NAV2: variants seen among roughly 807,000 people sequenced by gnomAD.
NAV2 encodes the protein helicase, APC down-regulated 1.
A neutral mutation model predicts 223.2 loss-of-function variants in NAV2; 54 were observed. The observed-to-expected ratio is 0.24, with a 90% CI of 0.19 to 0.30. NAV2 has a LOEUF of 0.30. NAV2 is among the 10% of genes least tolerant of loss of function. The pLI, the probability that NAV2 is intolerant of heterozygous loss-of-function variation, is 1.00. For missense variants in NAV2, 2,806 were observed against 3,147.5 expected (o/e 0.89, Z 2.60); for synonymous variants, 1,279 against 1,239.3 (o/e 1.03, Z -0.67).
At chr11:20,043,381 G>A (rs758358098) in intron 12 of NAV2, among the ~76,000 whole-genome samples, 1 of 152,080 alleles carries the variant, frequency 6.6e-6, no homozygotes. Context: ...CCTTCCCCTC[G>A]CTAGGGCTCT....
intron 1 of NAV2, among the ~76,000 whole-genome samples, chr11:19,362,871 ATTTG>A (rs1327054088): frequency 6.6e-6 from 1 of 152,202 alleles, no homozygotes; most frequent in African/African-American, 2.4e-5. Context: ...ATTAGTTGTT[ATTTG>A]TTTATCAATT....
chr11:19,934,314 T>C (rs1384878929), intron 7 of NAV2, 37 bp downstream of exon 7: 2 of 1,519,486 alleles, frequency 1.3e-6, no homozygotes, highest in Non-Finnish European at 1.8e-6. Flanking sequence ...CCTGGGACAT[T>C]GGGTAAAAGT....
At position 19,713,373 on chromosome 11, in the gene NAV2, A is replaced by C. The variant is rs1162595611; in HGVS notation, c.-323A>C. On this transcript the variant is annotated 5_prime_UTR_variant, in exon 1 of 38. Transcript: ENST00000349880. This position sits in a 1 kb window ranked among gnomAD's most constrained non-coding sequence, Gnocchi z 7.2. ...TCCAAGCCTCTGTTTCCCAGGAGGA[A>C]ATTTGCAAGAGGCGGCAGCCCCTGA... is the stretch of plus-strand genomic sequence containing the variant. 1.7e-6 allele frequency: 2 copies of C among 1,166,816 alleles called. No homozygotes were observed. The highest frequency in any genetic ancestry group is 2.1e-6 in the Non-Finnish European group (2 of 947,746). 72.3% of individuals were successfully genotyped at this position (1,166,816 alleles called of 1,614,324 possible). A position where few individuals can be genotyped will look rare whatever the true frequency, so the allele number is the denominator to read the frequency against.
intron 14 of NAV2, among the ~76,000 whole-genome samples, chr11:20,045,980 T>C (rs1308933723): frequency 6.6e-6 from 1 of 152,224 alleles, no homozygotes; most frequent in Non-Finnish European, 1.5e-5. Flanking sequence ...GATACTTTTT[T>C]GTCAGGGTTT....
chr11:19,417,032 G>A (rs903060056), intron 1 of NAV2, among the ~76,000 whole-genome samples: 15 of 152,090 alleles, frequency 9.9e-5, no homozygotes, highest in African/African-American at 1.9e-4. Flanking sequence ...GGATGTAGGC[G>A]TGGGCAAAGA....
intron 1 of NAV2, among the ~76,000 whole-genome samples, chr11:19,461,788 G>T (rs1852171134): frequency 6.6e-6 from 1 of 152,202 alleles, no homozygotes; most frequent in Middle Eastern, 3.2e-3. Context: ...GAATAAAGAA[G>T]AATGTTTTAT....
At chr11:19,789,743 A>G (rs1482120538) in intron 1 of NAV2, among the ~76,000 whole-genome samples, 1 of 152,230 alleles carries the variant, frequency 6.6e-6, no homozygotes, top group Non-Finnish European at 1.5e-5. Context: ...TAATTGTGCT[A>G]AATAGCATGG....
rs189580447 is a variant in NAV2, at chr11:19,529,984, G to A, written c.75+178957G>A. On this transcript the variant is annotated intron_variant, in intron 1 of 37. Coordinates refer to the NAV2 transcript ENST00000360655. ...TTGCTGGAAGGTCATGGGATATTTC[G>A]AATGGAAAAATCAGCATTTGTCTGT... Among the ~76,000 whole-genome samples, 37 of 152,158 alleles carry A rather than the reference G, an allele frequency of 2.4e-4. No homozygotes were observed. The East Asian group carries it at 4.8e-3, about 20-fold the overall frequency.
intron 30 of NAV2, 145 bp downstream of exon 30, chr11:20,095,912 C>A: frequency 1.4e-6 from 1 of 690,264 alleles, no homozygotes; most frequent in Non-Finnish European, 2.6e-6. Context: ...GGAACTTGTT[C>A]CCTGGCTCTC....
chr11:19,454,191 G>A (rs1851884140), intron 1 of NAV2, among the ~76,000 whole-genome samples: 1 of 152,198 alleles, frequency 6.6e-6, no homozygotes, highest in Non-Finnish European at 1.5e-5. Flanking sequence ...CAGGGAAGCT[G>A]GAAGAAGGGC....
At chr11:19,952,563 G>C (rs7104157) in intron 10 of NAV2, among the ~76,000 whole-genome samples, 85,446 of 152,114 alleles carry the variant, frequency 0.56, 25,993 homozygotes, top group East Asian at 0.73. Flanking sequence ...ATATCAATCT[G>C]TACAGAGGCT....
intron 11 of NAV2, among the ~76,000 whole-genome samples, chr11:20,019,273 T>G (rs2054280283): frequency 6.6e-6 from 1 of 152,090 alleles, no homozygotes; most frequent in Admixed American, 6.5e-5. Flanking sequence ...GGGTTCAAGG[T>G]ATATTTGGGG....
chr11:19,671,375 C>T (rs942319563), intron 1 of NAV2, among the ~76,000 whole-genome samples: 1 of 152,190 alleles, frequency 6.6e-6, no homozygotes, highest in Non-Finnish European at 1.5e-5. Context: ...TCCTGTCCTT[C>T]AGCTAGGAAT....
upstream of NAV2, among the ~76,000 whole-genome samples, chr11:19,346,209 T>TATGG (rs758996412): frequency 2.0e-4 from 31 of 152,302 alleles, no homozygotes; most frequent in Middle Eastern, 3.4e-3. Flanking sequence ...GATCTGTGTA[T>TATGG]ATGGATGTGC....
At chr11:19,901,415 C>T (rs893354885) in intron 6 of NAV2, among the ~76,000 whole-genome samples, 1 of 152,156 alleles carries the variant, frequency 6.6e-6, no homozygotes, top group Non-Finnish European at 1.5e-5. Flanking sequence ...GGTGTGGTGG[C>T]GTACGCCTGT....
At chr11:19,413,180 A>G (rs939222724) in intron 1 of NAV2, among the ~76,000 whole-genome samples, 19 of 152,184 alleles carry the variant, frequency 1.2e-4, no homozygotes, top group African/African-American at 4.6e-4. Flanking sequence ...AGAACCTTGA[A>G]AAAAGGTTAG....
At chr11:19,563,368 TA>T (rs1377429807) in intron 1 of NAV2, among the ~76,000 whole-genome samples, 3 of 152,220 alleles carry the variant, frequency 2.0e-5, no homozygotes, top group Non-Finnish European at 2.9e-5. Context: ...ACACTTAGGC[TA>T]GATCTTTGTG....
At chr11:20,059,047 A>G (rs1352302360) in intron 19 of NAV2, among the ~76,000 whole-genome samples, 1 of 151,932 alleles carries the variant, frequency 6.6e-6, no homozygotes, top group Non-Finnish European at 1.5e-5. Flanking sequence ...CTTTTCACTC[A>G]ATCCTACCTT....
intron 1 of NAV2, among the ~76,000 whole-genome samples, chr11:19,525,975 A>G (rs117814649): frequency 0.012 from 1,818 of 152,098 alleles, 18 homozygotes; most frequent in Non-Finnish European, 0.015. Context: ...CTCTCCTGAT[A>G]ATGTTCCCCG....
Sources: allele counts gnomAD v4.1 joint callset (sites outside exome capture counted in the v4.1 genomes callset), GRCh38; gene constraint gnomAD v4.1.1; non-coding constraint Gnocchi (gnomAD v3.1); transcripts MANE v1.5; gene names NCBI Gene and HGNC (gene_info 2026-07-23, HGNC 2026-07-21).